Variants in NCS1 observed in about 807,000 individuals in gnomAD.
NCS1 encodes the protein frequenin homolog.
NCS1 carries 6 observed loss-of-function variants against 28.4 expected under a neutral mutation model. The ratio of observed to expected loss-of-function variants is 0.21; its 90% CI spans 0.12 to 0.42. The LOEUF (loss-of-function observed/expected upper bound fraction) is 0.42. NCS1 is among the 10% of genes least tolerant of loss of function. The probability of loss-of-function intolerance (pLI) is 1.00; values close to 1 mark genes in which losing one functional copy is unlikely to be tolerated. For synonymous variants in NCS1, 86 were observed against 99.3 expected, an observed-to-expected ratio of 0.87 and a Z score of 0.79; for missense variants, 131 against 241.4, an observed-to-expected ratio of 0.54 and a Z score of 3.03.
chr9:130,205,915 A>T (rs1833018576), intron 2 of NCS1, among the ~76,000 whole-genome samples: 1 of 151,782 alleles, frequency 6.6e-6, no homozygotes, highest in African/African-American at 2.4e-5. Context: ...TCAAGTAAAT[A>T]TCCTGTGGTT....
At chr9:130,212,397 G>T (rs1419929427) in intron 2 of NCS1, among the ~76,000 whole-genome samples, 1 of 151,530 alleles carries the variant, frequency 6.6e-6, no homozygotes, top group African/African-American at 2.4e-5. Context: ...GTCTGGCAGA[G>T]GCTGGAGATG....
intron 6 of NCS1, 124 bp downstream of exon 6, chr9:130,223,283 C>G (rs1554910886): frequency 1.2e-6 from 1 of 807,388 alleles, no homozygotes; most frequent in East Asian, 2.7e-5. Context: ...CGGCAGGCGG[C>G]ACGGTGTCCT....
chr9:130,173,176 C>A (rs1298553495), intron 1 of NCS1, among the ~76,000 whole-genome samples: 1 of 150,186 alleles, frequency 6.7e-6, no homozygotes, highest in Admixed American at 6.7e-5. Context: ...TGGCCTGTCG[C>A]CCCCTCCCTG....
intron 7 of NCS1, among the ~76,000 whole-genome samples, chr9:130,229,385 G>T (rs1455187896): frequency 6.6e-6 from 1 of 151,774 alleles, no homozygotes; most frequent in Admixed American, 6.6e-5. Context: ...CTCCCAAGTA[G>T]CTGGGATTAC....
In NCS1 at chr9:130,215,903, C is replaced by T. The variant is rs147942575; in HGVS notation, c.90-1929C>T. On this transcript the variant is annotated intron_variant, in intron 2 of 7. Coordinates refer to ENST00000372398, the MANE Select transcript of NCS1 (RefSeq NM_014286.4). The surrounding 1 kb of genome is among the most constrained non-coding windows in gnomAD (Gnocchi z 4.2). ...GGTCTGACTCAAGAAGAACTGCCCT[C>T]CCTCCCACATCCTGCTCCCTCTTCT... Among the ~76,000 whole-genome samples the T allele has an allele frequency of 3.7e-3, 560 of 152,212 alleles. 1 individual carries two copies. The highest frequency in any genetic ancestry group is 6.2e-3 in the Non-Finnish European group (421 of 68,002).
At chr9:130,174,814 C>T (rs1008276568) in intron 1 of NCS1, among the ~76,000 whole-genome samples, 6 of 95,018 alleles carry the variant, frequency 6.3e-5, no homozygotes, top group Non-Finnish European at 1.2e-4. Context: ...AAAAGCTCTG[C>T]TGGGTGTCTT....
chr9:130,200,869 C>A, intron 1 of NCS1, 89 bp from the exon 2 acceptor site: 1 of 1,567,052 alleles, frequency 6.4e-7, no homozygotes, highest in Non-Finnish European at 8.8e-7. Flanking sequence ...GAGGGGAGGG[C>A]TGGAGGGGAG....
At chr9:130,223,559 T>C (rs1554910925) in intron 6 of NCS1, among the ~76,000 whole-genome samples, 1 of 152,172 alleles carries the variant, frequency 6.6e-6, no homozygotes, top group Admixed American at 6.5e-5. Context: ...TAGCGTTCTG[T>C]GAGCTGCTTT....
chr9:130,217,955 C>T lies in NCS1; in HGVS notation c.213C>T (p.Val71=). The part of the protein sequence containing the change: ...PTKFATFVFN[V]FDENKDGRIE... ...AGTTTGCCACATTTGTTTTCAACGT[C>T]TTTGATGAAAACAAGGTGAGCTGGG... The change falls in exon 3 of 8, where the codon GTC becomes GTT. Residue 71 remains valine, a synonymous_variant. Coordinates refer to ENST00000372398, the MANE Select transcript of NCS1 (RefSeq NM_014286.4). 6.2e-7 allele frequency: 1 copy of T among 1,614,188 alleles called. No individual in the cohort carries two copies. The highest frequency in any genetic ancestry group is 8.5e-7 in the Non-Finnish European group (1 of 1,180,026).
chr9:130,223,207 C>T (rs772170343), intron 6 of NCS1, 48 bp downstream of exon 6: 17 of 1,562,990 alleles, frequency 1.1e-5, no homozygotes, highest in East Asian at 6.8e-5. Flanking sequence ...GGCAAGGTGT[C>T]GGGGGCAGGA....
In NCS1 at chr9:130,233,880, C is replaced by A. The variant is rs1833535588; in HGVS notation, c.*908C>A. 6.6e-6 allele frequency: 1 copy of A among 152,162 alleles called. No homozygotes were observed. The highest frequency in any genetic ancestry group is 6.6e-5 in the Admixed American group (1 of 15,266). The allele number at this position is 152,162 out of a possible 1,614,324, so 9.4% of individuals were successfully genotyped here. A position where few individuals can be genotyped will look rare whatever the true frequency, so the allele number is the denominator to read the frequency against. On this transcript the variant is annotated 3_prime_UTR_variant, in exon 8 of 8. Coordinates refer to ENST00000372398, the MANE Select transcript of NCS1 (RefSeq NM_014286.4). The surrounding 1 kb of genome is among the most constrained non-coding windows in gnomAD (Gnocchi z 4.8). ...TAAATGGCTAATGCACTGTTCCCTC[C>A]AGCCCGAATGCCTCCTGCCAAACCC... is the stretch of plus-strand genomic sequence containing the variant.
chr9:130,173,206 G>GA (rs1195953003), intron 1 of NCS1, among the ~76,000 whole-genome samples: 2 of 151,916 alleles, frequency 1.3e-5, no homozygotes, highest in South Asian at 2.1e-4. Context: ...GTGTGGGGGG[G>GA]GGGGTGGCGA....
chr9:130,202,486 C>T (rs1426203729), intron 2 of NCS1, among the ~76,000 whole-genome samples: 1 of 152,036 alleles, frequency 6.6e-6, no homozygotes, highest in Non-Finnish European at 1.5e-5. Context: ...TGAGGGCTGG[C>T]TAGCTTGGCC....
chr9:130,222,801 CAG>C, intron 5 of NCS1, 63 bp downstream of exon 5: 16 of 1,515,224 alleles, frequency 1.1e-5, no homozygotes, highest in Admixed American at 1.7e-5. Flanking sequence ...GACTGAGAGA[CAG>C]AGAGAGAGCA....
chr9:130,221,420 A>C (rs1554910422), intron 4 of NCS1, among the ~76,000 whole-genome samples: 2 of 59,364 alleles, frequency 3.4e-5, no homozygotes, highest in Non-Finnish European at 7.5e-5. Flanking sequence ...ATATAGAGAG[A>C]GAGAGAGAGA....
At chr9:130,225,743 C>T (rs1030200759) in intron 6 of NCS1, among the ~76,000 whole-genome samples, 11 of 152,212 alleles carry the variant, frequency 7.2e-5, no homozygotes, top group African/African-American at 2.2e-4. Flanking sequence ...GAGCACAGCT[C>T]GGTTGTGCTC....
In NCS1 at chr9:130,224,467, A is replaced by C. The variant is rs1588125891; in HGVS notation, c.474+1308A>C. 2.0e-5 allele frequency among the ~76,000 whole-genome samples: 3 copies of C among 150,758 alleles called. No homozygotes were observed. In the South Asian group the frequency reaches 6.4e-4, roughly 32 times the overall value. Reference sequence around the variant, plus strand: ...CAGCTACTCGGGAGGCTGAGGGAGGAGAATTGCTTGAACCTGGGAGGCAGA... The same window carrying C: ...CAGCTACTCGGGAGGCTGAGGGAGGCGAATTGCTTGAACCTGGGAGGCAGA... On this transcript the variant is annotated intron_variant, in intron 6 of 7. Transcript: ENST00000372398.
intron 7 of NCS1, among the ~76,000 whole-genome samples, chr9:130,227,022 C>CAAAAAAAAAAAAAAAAAAAAAAGA (rs782338218): frequency 7.0e-5 from 3 of 42,606 alleles, no homozygotes; most frequent in Non-Finnish European, 9.2e-5. Context: ...GACTCCATCT[C>CAAAAAAAAAAAAAAAAAAAAAAGA]AAAAAAAAAA....
At chr9:130,205,293 G>C (rs1554907931) in intron 2 of NCS1, among the ~76,000 whole-genome samples, 1 of 152,152 alleles carries the variant, frequency 6.6e-6, no homozygotes, top group African/African-American at 2.4e-5. Context: ...GCTGGCTTGA[G>C]GGGGCGGTGT....
Sources: allele counts gnomAD v4.1 joint callset (sites outside exome capture counted in the v4.1 genomes callset), GRCh38; gene constraint gnomAD v4.1.1; non-coding constraint Gnocchi (gnomAD v3.1); transcripts MANE v1.5; gene names NCBI Gene and HGNC (gene_info 2026-07-23, HGNC 2026-07-21).